The following AP4E1 variants were observed in gnomAD, a reference collection of about 807,000 sequenced individuals.
AP4E1 encodes the protein AP-4 complex subunit epsilon-1.
Under a neutral mutation model 128.2 loss-of-function variants are expected in AP4E1, and 56 were observed. The observed-to-expected ratio is 0.44, with a 90% CI of 0.35 to 0.55. The LOEUF is 0.55. AP4E1 is among the 20% of genes least tolerant of loss of function. The pLI, the probability that AP4E1 is intolerant of heterozygous loss-of-function variation, is 0.00. For synonymous variants in AP4E1, 484 were observed against 473.1 expected (o/e 1.02, Z -0.30); for missense variants, 1,324 against 1,307.7 (o/e 1.01, Z -0.19).
At chr15:50,926,686 C>T (rs987567709) in intron 5 of AP4E1, among the ~76,000 whole-genome samples, 1 of 151,626 alleles carries the variant, frequency 6.6e-6, no homozygotes, top group Non-Finnish European at 1.5e-5. Context: ...GCAACCTCTG[C>T]CTCCCGGGTT....
intron 16 of AP4E1, among the ~76,000 whole-genome samples, chr15:50,988,863 C>T (rs1595576153): frequency 1.3e-5 from 2 of 152,082 alleles, no homozygotes; most frequent in South Asian, 4.1e-4. Context: ...TTTCCAGCCA[C>T]CTTGAAAATT....
At chr15:50,972,223 T>C (rs1479694662) in intron 15 of AP4E1, among the ~76,000 whole-genome samples, 1 of 151,824 alleles carries the variant, frequency 6.6e-6, no homozygotes, top group East Asian at 1.9e-4. Flanking sequence ...TCTTTCTTTT[T>C]TCTTTTGAGA....
intron 6 of AP4E1, 99 bp downstream of exon 6, chr15:50,929,267 A>G: frequency 7.7e-7 from 1 of 1,305,886 alleles, no homozygotes; most frequent in Non-Finnish European, 1.1e-6. Flanking sequence ...TGCTTAGTTA[A>G]CATTTTATAA....
rs186885984 is a variant in AP4E1 at position 50,918,830 on chromosome 15, A to G, written c.346+3259A>G. On this transcript the variant is annotated intron_variant, in intron 3 of 20. Transcript: ENST00000261842. ...CATCTTTATACTTTTATACAGTTGCATAATTTTTATTGGGTGGATGTACCA... is the reference window on the plus strand; with the variant it reads ...CATCTTTATACTTTTATACAGTTGCGTAATTTTTATTGGGTGGATGTACCA... Among the ~76,000 whole-genome samples the G allele has an allele frequency of 2.2e-4, 34 of 152,326 alleles. 1 individual carries two copies. In the East Asian group the frequency reaches 6.5e-3, roughly 29 times the overall value.
intron 14 of AP4E1, among the ~76,000 whole-genome samples, chr15:50,967,401 G>C (rs549953950): frequency 3.5e-4 from 54 of 152,344 alleles, no homozygotes; most frequent in African/African-American, 1.3e-3. Context: ...AGAAGGCGAA[G>C]TAACAACAAA....
chr15:50,927,239 A>G (rs973094160), intron 5 of AP4E1, among the ~76,000 whole-genome samples: 1 of 152,048 alleles, frequency 6.6e-6, no homozygotes, highest in African/African-American at 2.4e-5. Flanking sequence ...GTCTAATTTC[A>G]AGTCCTGGCT....
At chr15:50,949,232 G>T (rs2064111127) in intron 11 of AP4E1, among the ~76,000 whole-genome samples, 1 of 151,532 alleles carries the variant, frequency 6.6e-6, no homozygotes, top group African/African-American at 2.4e-5. Context: ...GCAACACAGT[G>T]AAACCCTGTC....
In AP4E1 at chr15:50,950,070, A is replaced by G; in HGVS notation, c.1449A>G (p.Glu483=). 2 of 1,613,028 alleles carry G rather than the reference A, an allele frequency of 1.2e-6. No individual in the cohort carries two copies. The highest frequency in any genetic ancestry group is 4.5e-5 in the East Asian group (2 of 44,768). The part of the protein sequence containing the change: ...LLAEGFDDET[E]DQQLRLYAVQ... Reference sequence around the variant, plus strand: ...TTGTAGGTTTTGATGATGAAACAGAAGATCAGCAATTAAGACTCTATGCAG... The same window carrying G: ...TTGTAGGTTTTGATGATGAAACAGAGGATCAGCAATTAAGACTCTATGCAG... Residue 483 remains glutamate, a synonymous_variant, in exon 13 of 21, where the codon GAA becomes GAG. Coordinates refer to ENST00000261842, the MANE Select transcript of AP4E1 (RefSeq NM_007347.5).
Position 50,909,024 on chromosome 15 carries a change from G to T in AP4E1, c.150+96G>T, listed in dbSNP as rs557031232. The T allele has an allele frequency of 4.0e-4, 621 of 1,554,778 alleles. 1 individual carries two copies. Among genetic ancestry groups the T allele is most frequent in the Non-Finnish European group, 5.1e-4 (585 of 1,156,422 alleles). ...GCGGCGAGACTTCAGGGCCTCTGGG[G>T]TTAGCCCTCCGGCGGGGCTCAGGGG... On this transcript the variant is annotated intron_variant, in intron 1 of 20. Transcript: ENST00000261842.
chr15:50,935,167 T>G (rs1365800546), intron 8 of AP4E1, among the ~76,000 whole-genome samples: 1 of 152,138 alleles, frequency 6.6e-6, no homozygotes, highest in Admixed American at 6.5e-5. Context: ...ACTAGATTGA[T>G]GGACAGGGAT....
intron 5 of AP4E1, among the ~76,000 whole-genome samples, chr15:50,925,478 A>T (rs542998889): frequency 3.9e-5 from 6 of 152,298 alleles, no homozygotes; most frequent in South Asian, 2.1e-4. Context: ...TCTACCACTA[A>T]TGAGCAGTGG....
At chr15:50,936,889 A>G (rs2063914914) in intron 8 of AP4E1, among the ~76,000 whole-genome samples, 2 of 152,130 alleles carry the variant, frequency 1.3e-5, no homozygotes, top group Non-Finnish European at 2.9e-5. Flanking sequence ...ACAGTGAGCC[A>G]AGATCATGCC....
intron 2 of AP4E1, among the ~76,000 whole-genome samples, chr15:50,913,361 T>C (rs976265666): frequency 6.6e-6 from 1 of 152,242 alleles, no homozygotes; most frequent in African/African-American, 2.4e-5. Context: ...ATTTCCATTT[T>C]TTATGATTGG....
At chr15:50,956,675 A>T (rs561257165) in intron 13 of AP4E1, among the ~76,000 whole-genome samples, 3 of 152,182 alleles carry the variant, frequency 2.0e-5, no homozygotes, top group African/African-American at 7.2e-5. Flanking sequence ...CAAGAGCAGC[A>T]TGGGGGAAAC....
At chr15:50,967,813 TTC>T (rs2064414064) in intron 14 of AP4E1, among the ~76,000 whole-genome samples, 1 of 152,206 alleles carries the variant, frequency 6.6e-6, no homozygotes, top group South Asian at 2.1e-4. Context: ...GGGTAGCATT[TTC>T]ATTCATTCAT....
intron 15 of AP4E1, among the ~76,000 whole-genome samples, chr15:50,977,338 G>C (rs912194495): frequency 6.6e-6 from 1 of 152,132 alleles, no homozygotes; most frequent in Non-Finnish European, 1.5e-5. Flanking sequence ...CTAAATAGCT[G>C]ACACAAATAC....
chr15:51,000,868 A>T (rs531129409), intron 19 of AP4E1, among the ~76,000 whole-genome samples, 158 bp from the exon 20 acceptor site: 39 of 152,316 alleles, frequency 2.6e-4, no homozygotes, highest in African/African-American at 9.1e-4. Flanking sequence ...TTGGAGGATG[A>T]TACTAACCAT....
intron 15 of AP4E1, among the ~76,000 whole-genome samples, chr15:50,978,015 G>A (rs939340769): frequency 2.2e-4 from 34 of 151,972 alleles, no homozygotes; most frequent in African/African-American, 7.7e-4. Context: ...GCCTGTTCTG[G>A]TACTAATCTG....
At chr15:51,001,373 C>T (rs1453547273) in intron 20 of AP4E1, among the ~76,000 whole-genome samples, 190 bp downstream of exon 20, 6 of 152,100 alleles carry the variant, frequency 3.9e-5, no homozygotes, top group Non-Finnish European at 7.4e-5. Context: ...ATAAAATATA[C>T]CATTTTAACA....
Sources: gnomAD v4.1 joint callset for allele counts (sites outside exome capture counted in the v4.1 genomes callset) on GRCh38, gnomAD v4.1.1 for gene constraint, MANE v1.5 for transcripts, NCBI Gene and HGNC (gene_info 2026-07-23, HGNC 2026-07-21) for gene names.